The following ITPR1 variants were observed in gnomAD, a reference collection of about 807,000 sequenced individuals.
The protein encoded by ITPR1 is inositol 1,4,5-trisphosphate receptor type 1, also known as inositol 1,4,5-trisphosphate-gated calcium channel ITPR1.
A neutral mutation model predicts 318.4 loss-of-function variants in ITPR1; 96 were observed. The ratio of observed to expected loss-of-function variants is 0.30; its 90% CI spans 0.26 to 0.36. The LOEUF (loss-of-function observed/expected upper bound fraction) is 0.36. Among genes scored for constraint, ITPR1 ranks in the 10% least tolerant of loss-of-function variants. The pLI is 1.00. For missense variants in ITPR1, 2,440 were observed against 3,460.2 expected (o/e 0.71, Z 7.40); for synonymous variants, 1,312 against 1,289.9 (o/e 1.02, Z -0.37).
intron 46 of ITPR1, among the ~76,000 whole-genome samples, chr3:4,772,616 G>T (rs3792504): frequency 2.0e-5 from 3 of 152,334 alleles, no homozygotes; most frequent in Admixed American, 2.0e-4. Flanking sequence ...TCTAAGCACA[G>T]ACTTGAAGTC....
At chr3:4,580,695 G>C (rs996004172) in intron 4 of ITPR1, among the ~76,000 whole-genome samples, 2 of 152,116 alleles carry the variant, frequency 1.3e-5, no homozygotes, top group Admixed American at 6.5e-5. Context: ...TGCAGGGCCA[G>C]AATTTCTGTT....
At chr3:4,592,798 G>A (rs1415119599) in intron 4 of ITPR1, among the ~76,000 whole-genome samples, 6 of 152,202 alleles carry the variant, frequency 3.9e-5, no homozygotes, top group Non-Finnish European at 5.9e-5. Flanking sequence ...TGAGGTCTTA[G>A]CACTTAGATG....
intron 44 of ITPR1, among the ~76,000 whole-genome samples, chr3:4,763,804 C>T (rs567496862): frequency 3.0e-4 from 45 of 152,342 alleles, no homozygotes; most frequent in Middle Eastern, 6.8e-3. Context: ...GGTTGACAGC[C>T]ATTGGGTCAC....
At chr3:4,602,622 C>T (rs2125085046) in intron 4 of ITPR1, among the ~76,000 whole-genome samples, 1 of 151,236 alleles carries the variant, frequency 6.6e-6, no homozygotes, top group South Asian at 2.1e-4. Flanking sequence ...TGTCCATCAG[C>T]TAATAAGTGG....
intron 54 of ITPR1, 101 bp downstream of exon 54, chr3:4,800,701 A>T: frequency 4.8e-6 from 6 of 1,246,056 alleles, no homozygotes; most frequent in Non-Finnish European, 5.7e-6. Context: ...TCAGTCCAGA[A>T]AATTATTGTT....
chr3:4,509,282 A>G (rs1024549661), intron 2 of ITPR1, among the ~76,000 whole-genome samples: 3 of 152,228 alleles, frequency 2.0e-5, no homozygotes, highest in Admixed American at 2.0e-4. Context: ...GTCTGTTTCC[A>G]AGTGTACACT....
intron 54 of ITPR1, among the ~76,000 whole-genome samples, chr3:4,804,110 A>T (rs893077406): frequency 7.5e-4 from 114 of 152,302 alleles, no homozygotes; most frequent in African/African-American, 2.4e-3. Context: ...GAGCTCAGGC[A>T]ATCCACCCGC....
At chr3:4,494,261 G>A (rs1250138671) in intron 1 of ITPR1, among the ~76,000 whole-genome samples, 170 bp from the exon 2 acceptor site, 1 of 152,230 alleles carries the variant, frequency 6.6e-6, no homozygotes, top group African/African-American at 2.4e-5. Flanking sequence ...GTAGTTACCT[G>A]GAATCTTCGC....
chr3:4,687,912 A>C (rs2094422249), intron 30 of ITPR1, among the ~76,000 whole-genome samples: 1 of 152,168 alleles, frequency 6.6e-6, no homozygotes, highest in African/African-American at 2.4e-5. Context: ...CCACTTTGCC[A>C]TGGGAGCTGA....
At chr3:4,567,191 G>T (rs976523711) in intron 4 of ITPR1, among the ~76,000 whole-genome samples, 2 of 152,126 alleles carry the variant, frequency 1.3e-5, no homozygotes, top group Non-Finnish European at 2.9e-5. Context: ...GAAGAGAAGT[G>T]GAGTCTCCCC....
At chr3:4,752,301 T>C (rs1190595463) in intron 44 of ITPR1, among the ~76,000 whole-genome samples, 2 of 152,160 alleles carry the variant, frequency 1.3e-5, no homozygotes, top group East Asian at 1.9e-4. Context: ...GGAGCCAGGT[T>C]TGGAGACGGA....
intron 4 of ITPR1, among the ~76,000 whole-genome samples, chr3:4,580,211 A>T (rs1316708151): frequency 6.6e-6 from 1 of 152,112 alleles, no homozygotes; most frequent in African/African-American, 2.4e-5. Context: ...CTCCGTCTCA[A>T]AAAAAAACCA....
chr3:4,639,294 T>C, intron 5 of ITPR1, 90 bp from the exon 6 acceptor site: 2 of 978,304 alleles, frequency 2.0e-6, no homozygotes, highest in Non-Finnish European at 3.2e-6. Context: ...GTGGTTCTTG[T>C]ATGAACTGGC....
chr3:4,587,160 T>A (rs1157041499), intron 4 of ITPR1, among the ~76,000 whole-genome samples: 1 of 152,072 alleles, frequency 6.6e-6, no homozygotes, highest in Non-Finnish European at 1.5e-5. Flanking sequence ...GTGATCTTAT[T>A]AAAATGCAGA....
intron 61 of ITPR1, among the ~76,000 whole-genome samples, chr3:4,841,241 A>C (rs1190136724): frequency 6.6e-6 from 1 of 152,240 alleles, no homozygotes; most frequent in Non-Finnish European, 1.5e-5. Context: ...GACTTGAGGC[A>C]TGAATAGTTT....
At chr3:4,513,530 G>A (rs956683208) in intron 2 of ITPR1, among the ~76,000 whole-genome samples, 12 of 152,180 alleles carry the variant, frequency 7.9e-5, no homozygotes, top group African/African-American at 2.9e-4. Flanking sequence ...GGACTGGCCT[G>A]TGATTTCAGG....
chr3:4,617,470 G>C (rs1267520210), intron 4 of ITPR1, among the ~76,000 whole-genome samples: 1 of 152,126 alleles, frequency 6.6e-6, no homozygotes, highest in Non-Finnish European at 1.5e-5. Flanking sequence ...AACCCCAAAA[G>C]CTCTTGTGTT....
chr3:4,573,217 G>C (rs1003144923), intron 4 of ITPR1, among the ~76,000 whole-genome samples: 1 of 152,074 alleles, frequency 6.6e-6, no homozygotes, highest in East Asian at 1.9e-4. Context: ...AGTGTACAAG[G>C]GTTCTAATTT....
At chr3:4,736,929 ATTTTC>A (rs1159078770) in intron 44 of ITPR1, among the ~76,000 whole-genome samples, 2 of 152,114 alleles carry the variant, frequency 1.3e-5, no homozygotes, top group African/African-American at 2.4e-5. Context: ...GTCTGTGAGG[ATTTTC>A]TCCAGGCATA....
Sources: gnomAD v4.1 joint callset for allele counts (sites outside exome capture counted in the v4.1 genomes callset) on GRCh38, gnomAD v4.1.1 for gene constraint, MANE v1.5 for transcripts, NCBI Gene and HGNC (gene_info 2026-07-23, HGNC 2026-07-21) for gene names.